PTK2B: variants seen among roughly 807,000 people sequenced by gnomAD.
PTK2B encodes the protein protein tyrosine kinase 2 beta, also known as protein-tyrosine kinase 2-beta.
PTK2B carries 71 observed loss-of-function variants against 142.9 expected under a neutral mutation model. That is an observed-to-expected ratio of 0.50 (90% CI 0.41 to 0.61). The LOEUF (loss-of-function observed/expected upper bound fraction) is 0.61. PTK2B is among the 20% of genes least tolerant of loss of function. PTK2B has a pLI of 0.00. For synonymous variants in PTK2B, 519 were observed against 503.4 expected (o/e 1.03, Z -0.42); for missense variants, 1,105 against 1,320.4 (o/e 0.84, Z 2.53).
At chr8:27,384,787 C>T in intron 1 of PTK2B, among the ~76,000 whole-genome samples, 1 of 152,162 alleles carries the variant, frequency 6.6e-6, no homozygotes, top group Non-Finnish European at 1.5e-5. Context: ...GAGATATTTA[C>T]ACTATATATT....
intron 23 of PTK2B, among the ~76,000 whole-genome samples, chr8:27,444,741 C>T (rs534767497): frequency 1.3e-5 from 2 of 152,322 alleles, no homozygotes; most frequent in Admixed American, 1.3e-4. Context: ...CCAGGCTGTG[C>T]GTCCCTGACC....
At chr8:27,379,942 A>G (rs2131081634) in intron 1 of PTK2B, among the ~76,000 whole-genome samples, 1 of 152,088 alleles carries the variant, frequency 6.6e-6, no homozygotes, top group African/African-American at 2.4e-5. Flanking sequence ...GGGTTTCACC[A>G]TGTTGCCCAG....
chr8:27,454,508 A>C, intron 29 of PTK2B, 23 bp from the exon 30 acceptor site: 1 of 1,611,300 alleles, frequency 6.2e-7, no homozygotes. Context: ...AGTGGCGGCC[A>C]TCCTGCCCCT....
intron 1 of PTK2B, among the ~76,000 whole-genome samples, chr8:27,328,530 C>T (rs1162067514): frequency 6.6e-6 from 1 of 152,192 alleles, no homozygotes; most frequent in Non-Finnish European, 1.5e-5. Flanking sequence ...TAAATCTCCC[C>T]ATCCCCCTGT....
Position 27,459,064 on chromosome 8 carries a change from A to G in PTK2B, c.*555A>G. The G allele has an allele frequency of 4.0e-6, 1 of 251,396 alleles. No homozygotes were observed. Among genetic ancestry groups the G allele is most frequent in the Non-Finnish European group, 7.9e-6 (1 of 127,148 alleles). The allele number at this position is 251,396 out of a possible 1,614,324, so 15.6% of individuals were successfully genotyped here. A position where few individuals can be genotyped will look rare whatever the true frequency, so the allele number is the denominator to read the frequency against. On this transcript the variant is annotated 3_prime_UTR_variant, in exon 31 of 31. Coordinates refer to ENST00000346049, the MANE Select transcript of PTK2B (RefSeq NM_173176.3). ...TGGACTGACAGCATGTGCCCTCCTG[A>G]GGGAGGACCTGGGGCACAGTCCAGG...
chr8:27,366,505 C>G (rs1806026942), intron 1 of PTK2B, among the ~76,000 whole-genome samples: 1 of 152,212 alleles, frequency 6.6e-6, no homozygotes, highest in Non-Finnish European at 1.5e-5. Flanking sequence ...TCATGGTCTT[C>G]CAAAAATCCT....
chr8:27,395,432 C>G (rs756086760), intron 1 of PTK2B, among the ~76,000 whole-genome samples: 2 of 152,200 alleles, frequency 1.3e-5, no homozygotes, highest in Non-Finnish European at 2.9e-5. Context: ...TGCCTGTTGT[C>G]TCTCTGACTA....
chr8:27,311,613 A>T (rs6988218), exon 1 of PTK2B: 143,185 of 261,550 alleles, frequency 0.55, 39,854 homozygotes, highest in African/African-American at 0.66. Context: ...AGGAGCCTCT[A>T]CCTTAACCAA....
rs56046263 is a variant in PTK2B at position 27,454,596 on chromosome 8, A to G, written c.2799A>G (p.Ser933=). The G allele has an allele frequency of 3.0e-3, 4,837 of 1,614,082 alleles. 12 individuals are homozygous for G. Among genetic ancestry groups the G allele is most frequent in the Admixed American group, 4.1e-3 (246 of 60,020 alleles). The part of the protein sequence containing the change: ...SVDDLLPSLP[S]SSRTEIEGTQ... Reference sequence around the variant, plus strand: ...ATGATCTCCTGCCTTCCTTGCCGTCATCTTCACGGACAGAGGTGAGCGTCC... The same window carrying G: ...ATGATCTCCTGCCTTCCTTGCCGTCGTCTTCACGGACAGAGGTGAGCGTCC... The change falls in exon 30 of 31, where the codon TCA becomes TCG. Residue 933 remains serine, a synonymous_variant. Transcript: ENST00000346049.
At chr8:27,451,870 T>C in intron 27 of PTK2B, 1 of 694,488 alleles carries the variant, frequency 1.4e-6, no homozygotes, top group Non-Finnish European at 1.9e-6. Flanking sequence ...CCTGTCCCAG[T>C]TCAGATTCAT....
At position 27,453,129 on chromosome 8, in the gene PTK2B, C is replaced by G. The variant is rs770767869; in HGVS notation, c.2564C>G (p.Pro855Arg). The G allele has an allele frequency of 1.2e-6, 2 of 1,614,108 alleles. No individual in the cohort carries two copies. The highest frequency in any genetic ancestry group is 1.7e-4 in the Middle Eastern group (1 of 6,046). Residue 855 changes from proline (P) to arginine (R), a missense_variant, in exon 28 of 31, where the codon CCC becomes CGC. By Grantham distance (103) the Pro-to-Arg change is moderately radical. Transcript: ENST00000346049. ...TTTATTGCAGTGGAGTTCACAGGGC[C>G]CCCACAGAAGCCCCCGAGGCTGGGC... ...KEVGYLEFTGPPQKPPRLGAQ... is the reference protein window; with the variant it reads ...KEVGYLEFTGRPQKPPRLGAQ...
chr8:27,430,869 C>T lies in PTK2B; in HGVS notation c.670-7C>T. On this transcript the variant is annotated splice_region_variant and splice_polypyrimidine_tract_variant and intron_variant, in intron 7 of 30. Transcript: ENST00000346049. ...GCATTGCTCACACGGCCCATCCCCT[C>T]CCCCAGCCCAAACAGTTCCGGAAGA... is the stretch of plus-strand genomic sequence containing the variant. 1.9e-6 allele frequency: 3 copies of T among 1,613,138 alleles called. No individual in the cohort carries two copies. The highest frequency in any genetic ancestry group is 2.5e-6 in the Non-Finnish European group (3 of 1,179,444).
At chr8:27,429,107 A>G (rs574108285) in intron 5 of PTK2B, among the ~76,000 whole-genome samples, 2 of 152,276 alleles carry the variant, frequency 1.3e-5, no homozygotes, top group African/African-American at 2.4e-5. Flanking sequence ...AGGTTTCACC[A>G]TGTTGGCCAG....
At chr8:27,317,780 A>C (rs1411906161) in intron 3 of PTK2B, among the ~76,000 whole-genome samples, 1 of 152,156 alleles carries the variant, frequency 6.6e-6, no homozygotes, top group Admixed American at 6.5e-5. Context: ...CCCTGTAGGC[A>C]TTTCGGCTTT....
chr8:27,458,522 G>T lies in PTK2B; in HGVS notation c.*13G>T. 1 of 1,554,508 alleles carries T rather than the reference G, an allele frequency of 6.4e-7. No individual in the cohort carries two copies. Among genetic ancestry groups the T allele is most frequent in the Non-Finnish European group, 8.7e-7 (1 of 1,150,218 alleles). ...ACCTGCAGAGTGACGGAGGGTGGGG[G>T]CCACCTGCCTGCGTCTTCCGCCCCT... On this transcript the variant is annotated 3_prime_UTR_variant, in exon 31 of 31. Transcript: ENST00000346049.
At chr8:27,426,115 A>C (rs767183960) in intron 5 of PTK2B, among the ~76,000 whole-genome samples, 29 of 152,230 alleles carry the variant, frequency 1.9e-4, no homozygotes, top group Non-Finnish European at 2.9e-4. Flanking sequence ...ACGTAACCCC[A>C]GATTAGCTAA....
upstream of PTK2B, chr8:27,311,235 T>TGGCACGAGCAGCC (rs756776968): frequency 1.7e-5 from 26 of 1,528,290 alleles, no homozygotes; most frequent in African/African-American, 2.8e-5. Context: ...CTCCGCTCCA[T>TGGCACGAGCAGCC]GGCACGAGCA....
At chr8:27,317,099 G>C (rs1236875880) in intron 3 of PTK2B, among the ~76,000 whole-genome samples, 2 of 152,144 alleles carry the variant, frequency 1.3e-5, no homozygotes, top group Non-Finnish European at 2.9e-5. Context: ...ATCTTATCCT[G>C]ATATGAACCA....
At chr8:27,372,505 A>T (rs979047570) in intron 1 of PTK2B, among the ~76,000 whole-genome samples, 1 of 152,298 alleles carries the variant, frequency 6.6e-6, no homozygotes, top group East Asian at 1.9e-4. Flanking sequence ...AACTGATTGT[A>T]TGAGGCCCAT....
Sources: gnomAD v4.1 joint callset for allele counts (sites outside exome capture counted in the v4.1 genomes callset) on GRCh38, gnomAD v4.1.1 for gene constraint, MANE v1.5 for transcripts, NCBI Gene and HGNC (gene_info 2026-07-23, HGNC 2026-07-21) for gene names.